The following WDR27 variants were observed in gnomAD, a reference collection of about 807,000 sequenced individuals.
WDR27 encodes the protein WD repeat domain 27, also known as WD repeat-containing protein 27.
WDR27 carries 100 observed loss-of-function variants against 114.4 expected under a neutral mutation model. The observed-to-expected ratio is 0.87, with a 90% confidence interval of 0.74 to 1.03. WDR27 has a LOEUF of 1.03. Ranked by LOEUF, WDR27 falls within the 50% of genes least tolerant of loss-of-function variation. The pLI, the probability that WDR27 is intolerant of heterozygous loss-of-function variation, is 0.00. For missense variants in WDR27, 1,129 were observed against 1,092.9 expected, an observed-to-expected ratio of 1.03 and a Z score of -0.47; for synonymous variants, 449 against 423.1, an observed-to-expected ratio of 1.06 and a Z score of -0.75.
chr6:169,439,126 T>G, the WDR27 span, among the ~76,000 whole-genome samples: 3 of 152,306 alleles, frequency 2.0e-5, no homozygotes, highest in East Asian at 5.8e-4. Flanking sequence ...GCATCTCCCA[T>G]GATGCTTATT....
At chr6:169,591,304 G>C (rs9478069) in intron 23 of WDR27, among the ~76,000 whole-genome samples, 219 of 152,292 alleles carry the variant, frequency 1.4e-3, no homozygotes, top group African/African-American at 5.1e-3. Flanking sequence ...TTTGGGCCAT[G>C]ATCTTCATCT....
chr6:169,680,378 C>T (rs1349233904), intron 2 of WDR27, among the ~76,000 whole-genome samples: 1 of 152,072 alleles, frequency 6.6e-6, no homozygotes, highest in Non-Finnish European at 1.5e-5. Context: ...GTCAGGAGAT[C>T]GAGACCATCC....
the WDR27 span, among the ~76,000 whole-genome samples, chr6:169,427,550 C>T: frequency 3.3e-5 from 5 of 152,104 alleles, no homozygotes; most frequent in African/African-American, 1.2e-4. Context: ...AGACAGTGTG[C>T]AGAGGACTTG....
At chr6:169,582,266 C>T (rs979905863) in intron 24 of WDR27, among the ~76,000 whole-genome samples, 3 of 152,186 alleles carry the variant, frequency 2.0e-5, no homozygotes, top group Non-Finnish European at 2.9e-5. Flanking sequence ...TGAGCCACTG[C>T]GCCTGGCCAA....
At chr6:169,448,399 T>TGTGTGGGTGTGTGTGG in the WDR27 span, among the ~76,000 whole-genome samples, 1 of 150,498 alleles carries the variant, frequency 6.6e-6, no homozygotes, top group African/African-American at 2.5e-5. Flanking sequence ...TCTATGTGTG[T>TGTGTGGGTGTGTGTGG]GTGTGTGTGT....
intron 25 of WDR27, among the ~76,000 whole-genome samples, chr6:169,470,613 C>T (rs1786242071): frequency 6.6e-6 from 1 of 152,208 alleles, no homozygotes; most frequent in Admixed American, 6.5e-5. Flanking sequence ...CGTGACATTC[C>T]ATCAGTTTAC....
At chr6:169,678,219 A>G (rs1313012589) in intron 2 of WDR27, among the ~76,000 whole-genome samples, 1 of 152,232 alleles carries the variant, frequency 6.6e-6, no homozygotes, top group East Asian at 1.9e-4. Flanking sequence ...GAAAGCAGCC[A>G]CAAGGGCTGA....
At chr6:169,554,455 A>G (rs1356609250) in intron 25 of WDR27, among the ~76,000 whole-genome samples, 3 of 152,290 alleles carry the variant, frequency 2.0e-5, no homozygotes, top group Non-Finnish European at 1.5e-5. Flanking sequence ...CTGCTTGTCA[A>G]CTCCAGTACT....
intron 13 of WDR27, among the ~76,000 whole-genome samples, chr6:169,657,432 A>G (rs1824540902): frequency 6.6e-6 from 1 of 152,308 alleles, no homozygotes; most frequent in South Asian, 2.1e-4. Context: ...GCCCGGGGAG[A>G]GGCCCAAGGG....
chr6:169,611,329 A>T (rs1810477793), intron 22 of WDR27, among the ~76,000 whole-genome samples: 1 of 135,152 alleles, frequency 7.4e-6, no homozygotes, highest in African/African-American at 2.8e-5. Context: ...TTTTTGAGAC[A>T]GAGTCTCACT....
intron 25 of WDR27, among the ~76,000 whole-genome samples, chr6:169,550,986 G>C (rs139909622): frequency 3.9e-5 from 6 of 152,262 alleles, no homozygotes; most frequent in African/African-American, 1.4e-4. Context: ...AAAGTGGAGG[G>C]TTTACAGGTG....
At chr6:169,435,540 C>T in the WDR27 span, among the ~76,000 whole-genome samples, 6 of 152,306 alleles carry the variant, frequency 3.9e-5, no homozygotes, top group Admixed American at 1.3e-4. Context: ...GTGACCTGGA[C>T]GTGAGACATG....
At chr6:169,613,756 T>C in intron 21 of WDR27, 100 bp from the exon 22 acceptor site, 1 of 1,088,010 alleles carries the variant, frequency 9.2e-7, no homozygotes, top group Non-Finnish European at 1.3e-6. Flanking sequence ...AAGTAAGATA[T>C]TAACACAAAG....
intron 25 of WDR27, among the ~76,000 whole-genome samples, chr6:169,533,082 GA>G (rs1294979507): frequency 1.3e-5 from 2 of 152,174 alleles, no homozygotes; most frequent in Non-Finnish European, 2.9e-5. Context: ...GAGCTGAGCA[GA>G]AAAGCCTGAG....
chr6:169,582,279 C>T lies in WDR27; in HGVS notation c.2523+557G>A, dbSNP rs1803615570. Among the ~76,000 whole-genome samples the T allele has an allele frequency of 2.0e-5, 3 of 152,172 alleles. No individual in the cohort carries two copies. The South Asian group carries it at 6.2e-4, about 32-fold the overall frequency. On this transcript the variant is annotated intron_variant, in intron 24 of 25. Coordinates refer to ENST00000448612, the MANE Select transcript of WDR27 (RefSeq NM_182552.5). ...TGTGAGCCACTGCGCCTGGCCAATA[C>T]CTAATATTTTTAATCCTTTGCAAAA...
At chr6:169,539,170 C>T (rs946865799) in intron 25 of WDR27, among the ~76,000 whole-genome samples, 79 of 152,282 alleles carry the variant, frequency 5.2e-4, no homozygotes, top group African/African-American at 1.8e-3. Flanking sequence ...TTGTTTCCGT[C>T]GCACAGCCCC....
intron 24 of WDR27, among the ~76,000 whole-genome samples, chr6:169,575,532 A>C (rs1802197991): frequency 6.6e-6 from 1 of 152,040 alleles, no homozygotes; most frequent in African/African-American, 2.4e-5. Flanking sequence ...ACTGATCCTG[A>C]GCTGTTGAAG....
chr6:169,553,615 C>T (rs1798485735), intron 25 of WDR27, among the ~76,000 whole-genome samples: 1 of 152,142 alleles, frequency 6.6e-6, no homozygotes, highest in African/African-American at 2.4e-5. Context: ...AAATCTCAGG[C>T]TCCTTTCTAT....
chr6:169,498,251 G>A (rs1790661169), intron 25 of WDR27, among the ~76,000 whole-genome samples: 1 of 152,096 alleles, frequency 6.6e-6, no homozygotes, highest in Non-Finnish European at 1.5e-5. Context: ...AAACAGATCT[G>A]TATTCTATTC....
Sources: allele counts gnomAD v4.1 joint callset (sites outside exome capture counted in the v4.1 genomes callset), GRCh38; gene constraint gnomAD v4.1.1; transcripts MANE v1.5; gene names NCBI Gene and HGNC (gene_info 2026-07-23, HGNC 2026-07-21).